The following NINJ2 variants were observed in gnomAD, a reference collection of about 807,000 sequenced individuals.
The protein encoded by NINJ2 is ninjurin 2, also known as ninjurin-2.
A neutral mutation model predicts 11.7 loss-of-function variants in NINJ2; 12 were observed. That is an observed-to-expected ratio of 1.02 (90% CI 0.66 to 1.66). NINJ2 has a LOEUF of 1.66. Among genes scored for constraint, NINJ2 ranks in the 40% most tolerant of loss-of-function variants. The pLI, the probability that NINJ2 is intolerant of heterozygous loss-of-function variation, is 0.00. For synonymous variants in NINJ2, 93 were observed against 76.8 expected, an observed-to-expected ratio of 1.21 and a Z score of -1.10; for missense variants, 187 against 181.8, an observed-to-expected ratio of 1.03 and a Z score of -0.16.
chr12:621,146 A>C (rs1948147893), intron 1 of NINJ2, among the ~76,000 whole-genome samples: 1 of 152,196 alleles, frequency 6.6e-6, no homozygotes, highest in South Asian at 2.1e-4. Flanking sequence ...AGGAGAGACA[A>C]GTAAGAAAGA....
intron 1 of NINJ2, among the ~76,000 whole-genome samples, chr12:653,630 T>C (rs1184035538): frequency 6.6e-6 from 1 of 151,452 alleles, no homozygotes; most frequent in African/African-American, 2.4e-5. Context: ...AAAGTACAAC[T>C]GATACACTAT....
chr12:566,275 T>A (rs4980836), intron 1 of NINJ2, 97 bp from the exon 2 acceptor site: 352,618 of 991,166 alleles, frequency 0.36, 64,356 homozygotes, highest in Admixed American at 0.46. Context: ...CTCTTTCCAA[T>A]CCAGATGGGA....
At position 628,007 on chromosome 12, in the gene NINJ2, C is replaced by T. The variant is rs1208028631; in HGVS notation, c.33+35321G>A. 6.6e-6 allele frequency among the ~76,000 whole-genome samples: 1 copy of T among 152,160 alleles called. No homozygotes were observed. Among genetic ancestry groups the T allele is most frequent in the Non-Finnish European group, 1.5e-5 (1 of 68,040 alleles). ...CTGTCCCTGTCCCTGCCGCATCCTC[C>T]CCGCCCTGCCCCCGGCTCCTCTTTC... On this transcript the variant is annotated intron_variant, in intron 1 of 3. Transcript: ENST00000305108. The surrounding 1 kb of genome is among the most constrained non-coding windows in gnomAD (Gnocchi z 4.4).
intron 1 of NINJ2, among the ~76,000 whole-genome samples, chr12:606,460 G>GT (rs1203882479): frequency 2.0e-5 from 3 of 152,128 alleles, no homozygotes; most frequent in East Asian, 1.9e-4. Flanking sequence ...CAATTCAGAT[G>GT]TTTTTTCTAG....
chr12:596,933 CA>C (rs199948813), intron 1 of NINJ2, among the ~76,000 whole-genome samples: 14 of 146,922 alleles, frequency 9.5e-5, no homozygotes, highest in African/African-American at 3.3e-4. Context: ...AAAAAAAAAA[CA>C]AAAAAAAATG....
intron 1 of NINJ2, among the ~76,000 whole-genome samples, chr12:611,253 C>G (rs751024214): frequency 3.2e-4 from 27 of 84,236 alleles, no homozygotes; most frequent in Admixed American, 2.5e-3. Flanking sequence ...CTTTCTCTCT[C>G]TCTCTTTCTT....
rs570332151 is a variant in NINJ2, at chr12:630,445, G to A, written c.33+32883C>T. ...GCTGGAGTGCAGTGGTGTGATCTCG[G>A]CTCACTGCAAGCTCCATCTCCCGGG... On this transcript the variant is annotated intron_variant, in intron 1 of 3. Transcript: ENST00000305108. Among the ~76,000 whole-genome samples the A allele has an allele frequency of 2.0e-5, 3 of 152,108 alleles. No homozygotes were observed. In the East Asian group the frequency reaches 5.8e-4, roughly 29 times the overall value.
chr12:617,942 A>G (rs1349647756), intron 1 of NINJ2, among the ~76,000 whole-genome samples: 1 of 151,932 alleles, frequency 6.6e-6, no homozygotes, highest in Non-Finnish European at 1.5e-5. Context: ...CCCAGGTAAA[A>G]TTTTCAGATA....
intron 1 of NINJ2, among the ~76,000 whole-genome samples, chr12:596,959 C>T (rs2535389): frequency 6.6e-6 from 1 of 151,820 alleles, no homozygotes; most frequent in Non-Finnish European, 1.5e-5. Context: ...AATTCACAGT[C>T]GAAAAGATAA....
Position 623,106 on chromosome 12 carries a change from G to A in NINJ2, c.33+40222C>T, listed in dbSNP as rs148303052. Among the ~76,000 whole-genome samples the A allele has an allele frequency of 2.0e-3, 301 of 152,316 alleles. 1 individual carries two copies. The highest frequency in any genetic ancestry group is 7.0e-3 in the African/African-American group (291 of 41,572). ...ACAGCATGCACTCAGGTGGAATATT[G>A]CAAAGGTAGACATCAGCTCAAGGCT... On this transcript the variant is annotated intron_variant, in intron 1 of 3. Transcript: ENST00000305108.
At chr12:606,777 T>C (rs1050032580) in intron 1 of NINJ2, among the ~76,000 whole-genome samples, 4 of 152,142 alleles carry the variant, frequency 2.6e-5, no homozygotes, top group African/African-American at 9.7e-5. Context: ...TACTGGAAGG[T>C]GTGCGCCACC....
intron 1 of NINJ2, among the ~76,000 whole-genome samples, chr12:658,606 G>T (rs1937906888): frequency 6.6e-6 from 1 of 152,048 alleles, no homozygotes; most frequent in African/African-American, 2.4e-5. Flanking sequence ...CAATGAAGAG[G>T]CAGAATGCAG....
Position 591,083 on chromosome 12 carries a change from G to A in NINJ2, c.34-24905C>T, listed in dbSNP as rs1259779277. 6.6e-6 allele frequency: 1 copy of A among 152,264 alleles called. No individual in the cohort carries two copies. The highest frequency in any genetic ancestry group is 1.5e-5 in the Non-Finnish European group (1 of 68,064). 9.4% of individuals were successfully genotyped at this position (152,264 alleles called of 1,614,324 possible). A position where few individuals can be genotyped will look rare whatever the true frequency, so the allele number is the denominator to read the frequency against. On this transcript the variant is annotated intron_variant, in intron 1 of 3. Transcript: ENST00000305108. This position sits in a 1 kb window ranked among gnomAD's most constrained non-coding sequence, Gnocchi z 5.0. ...CAGGACACTAGCACTCACTATCAAG[G>A]TTATAGGGAGGTGGCAGAGAAAAGA...
At chr12:569,154 T>G (rs918251620) in intron 1 of NINJ2, among the ~76,000 whole-genome samples, 2 of 152,168 alleles carry the variant, frequency 1.3e-5, no homozygotes, top group Non-Finnish European at 2.9e-5. Context: ...CTGCATGGAC[T>G]TGGGAGGCCA....
chr12:611,229 TTCTTTCTTTCTTTCTTTCTCTCTCTC>T (rs1046329539), intron 1 of NINJ2, among the ~76,000 whole-genome samples: 7 of 97,136 alleles, frequency 7.2e-5, no homozygotes, highest in African/African-American at 1.3e-4. Flanking sequence ...TTCTTTCTTT[TTCTTTCTTTCTTTCTTTCTCTCTCTC>T]TCTTTCTTTC....
chr12:621,519 C>CAGAAA (rs1223027636), intron 1 of NINJ2, among the ~76,000 whole-genome samples: 1 of 150,384 alleles, frequency 6.6e-6, no homozygotes, highest in East Asian at 2.0e-4. Context: ...AAAAAGAAAA[C>CAGAAA]AGAAAAGAAA....
At chr12:629,930 C>G (rs1431669093) in intron 1 of NINJ2, among the ~76,000 whole-genome samples, 4 of 76,762 alleles carry the variant, frequency 5.2e-5, no homozygotes, top group Admixed American at 2.2e-4. Flanking sequence ...TATGAAGTTT[C>G]TTTGCGATTT....
chr12:643,748 T>G lies in NINJ2; in HGVS notation c.33+19580A>C, dbSNP rs935141695. On this transcript the variant is annotated intron_variant, in intron 1 of 3. Transcript: ENST00000305108. Reference sequence around the variant, plus strand: ...ATCTTTTCTGGAACTCGCTCCCCCCTCACATCATGGGAGCAGTCAGTCTAC... The same window carrying G: ...ATCTTTTCTGGAACTCGCTCCCCCCGCACATCATGGGAGCAGTCAGTCTAC... 1.5e-5 allele frequency: 13 copies of G among 873,364 alleles called. No homozygotes were observed. In the African/African-American group the frequency reaches 2.4e-4, roughly 16 times the overall value. 54.1% of individuals were successfully genotyped at this position (873,364 alleles called of 1,614,324 possible). A position where few individuals can be genotyped will look rare whatever the true frequency, so the allele number is the denominator to read the frequency against.
intron 1 of NINJ2, among the ~76,000 whole-genome samples, chr12:607,444 G>A (rs756114929): frequency 6.6e-6 from 1 of 152,272 alleles, no homozygotes; most frequent in South Asian, 2.1e-4. Flanking sequence ...CATGGCAAAT[G>A]GTGGCTTTGC....
Sources: gnomAD v4.1 joint callset for allele counts (sites outside exome capture counted in the v4.1 genomes callset) on GRCh38, gnomAD v4.1.1 for gene constraint, Gnocchi (gnomAD v3.1) non-coding constraint, MANE v1.5 for transcripts, NCBI Gene and HGNC (gene_info 2026-07-23, HGNC 2026-07-21) for gene names.